TENM3: variants seen among roughly 807,000 people sequenced by gnomAD.
TENM3 encodes teneurin transmembrane protein 3.
TENM3 carries 63 observed loss-of-function variants against 255.1 expected under a neutral mutation model. The ratio of observed to expected loss-of-function variants is 0.25; its 90% CI spans 0.20 to 0.30. TENM3 has a LOEUF of 0.30. Among genes scored for constraint, TENM3 ranks in the 10% least tolerant of loss-of-function variants. The pLI, the probability that TENM3 is intolerant of heterozygous loss-of-function variation, is 1.00. For synonymous variants in TENM3, 1,306 were observed against 1,322.3 expected (o/e 0.99, Z 0.27); for missense variants, 2,929 against 3,461.1 (o/e 0.85, Z 3.86).
rs79403721 is a variant in TENM3, at chr4:182,280,853, G to A, written c.-76+37377G>A. The stretch of plus-strand genomic sequence containing the variant: ...AGAGGATCTCTTGAATGAGAGTGAA[G>A]GTTTTGCCTCTTTGCCAAGTAGCCT... On this transcript the variant is annotated intron_variant, in intron 1 of 27. Coordinates refer to ENST00000511685, the MANE Select transcript of TENM3 (RefSeq NM_001080477.4). 6.5e-3 allele frequency among the ~76,000 whole-genome samples: 989 copies of A among 152,302 alleles called. 12 individuals carry two copies. Among genetic ancestry groups the A allele is most frequent in the African/African-American group, 0.022 (927 of 41,564 alleles).
At chr4:182,351,327 G>A (rs530395229) in intron 3 of TENM3, among the ~76,000 whole-genome samples, 30 of 152,266 alleles carry the variant, frequency 2.0e-4, no homozygotes, top group African/African-American at 6.7e-4. Context: ...AAATGTTTGC[G>A]TATGCATCGC....
chr4:182,021,687 T>C, the TENM3 span, among the ~76,000 whole-genome samples: 1 of 151,964 alleles, frequency 6.6e-6, no homozygotes, highest in Non-Finnish European at 1.5e-5. Flanking sequence ...ATCCCTTTCA[T>C]CTAAGAATGT....
the TENM3 span, among the ~76,000 whole-genome samples, chr4:181,517,768 T>C: frequency 6.6e-6 from 1 of 152,232 alleles, no homozygotes; most frequent in Non-Finnish European, 1.5e-5. Flanking sequence ...ACATGCGGCT[T>C]TGCAAGTGAT....
At chr4:181,480,563 G>T in the TENM3 span, among the ~76,000 whole-genome samples, 1 of 151,956 alleles carries the variant, frequency 6.6e-6, no homozygotes, top group East Asian at 1.9e-4. Flanking sequence ...TATTTAGAAG[G>T]AATATTTTTT....
chr4:181,877,620 T>C, the TENM3 span, among the ~76,000 whole-genome samples: 1 of 152,248 alleles, frequency 6.6e-6, no homozygotes, highest in South Asian at 2.1e-4. Context: ...CTCCATGATG[T>C]CACTGGGGTT....
At chr4:182,171,568 A>G (rs1009675261) in intron 1 of TENM3, among the ~76,000 whole-genome samples, 2 of 152,236 alleles carry the variant, frequency 1.3e-5, no homozygotes, top group East Asian at 1.9e-4. Context: ...GGCTCAAGCA[A>G]TCCTCCTACC....
the TENM3 span, among the ~76,000 whole-genome samples, chr4:181,779,962 T>G: frequency 6.6e-6 from 1 of 152,224 alleles, no homozygotes; most frequent in Non-Finnish European, 1.5e-5. Context: ...ACAAAGGACA[T>G]GAACTCATCC....
chr4:182,618,171 T>A (rs1749727887), intron 4 of TENM3, among the ~76,000 whole-genome samples: 1 of 152,184 alleles, frequency 6.6e-6, no homozygotes, highest in Non-Finnish European at 1.5e-5. Flanking sequence ...TCTTTTTGAT[T>A]TTTATTTTCT....
the TENM3 span, among the ~76,000 whole-genome samples, chr4:181,990,664 G>A: frequency 3.9e-5 from 6 of 152,004 alleles, no homozygotes; most frequent in African/African-American, 1.2e-4. Flanking sequence ...AGTAATAAGC[G>A]GCATGCCGAG....
the TENM3 span, among the ~76,000 whole-genome samples, chr4:181,971,423 C>G: frequency 6.6e-6 from 1 of 152,172 alleles, no homozygotes; most frequent in African/African-American, 2.4e-5. Context: ...CATCCAAAAT[C>G]ATGGTGCAGC....
At chr4:182,174,079 A>G (rs2149705794) in intron 1 of TENM3, among the ~76,000 whole-genome samples, 1 of 152,268 alleles carries the variant, frequency 6.6e-6, no homozygotes, top group East Asian at 1.9e-4. Flanking sequence ...TGTTTTACAC[A>G]GAAATTAAGA....
intron 4 of TENM3, among the ~76,000 whole-genome samples, chr4:182,624,877 A>G (rs1750674677): frequency 6.6e-6 from 1 of 152,208 alleles, no homozygotes; most frequent in African/African-American, 2.4e-5. Flanking sequence ...CAAATAAATA[A>G]CAAGATCACT....
At chr4:182,235,824 C>T (rs868433633) in intron 1 of TENM3, among the ~76,000 whole-genome samples, 1 of 152,188 alleles carries the variant, frequency 6.6e-6, no homozygotes, top group African/African-American at 2.4e-5. Flanking sequence ...AGGCAGTGAA[C>T]CATTTAGGAA....
At chr4:181,575,157 T>A in the TENM3 span, among the ~76,000 whole-genome samples, 1 of 152,182 alleles carries the variant, frequency 6.6e-6, no homozygotes, top group African/African-American at 2.4e-5. Context: ...AGTTTTTTGT[T>A]ATCCTTGTAG....
chr4:181,875,134 A>T, the TENM3 span, among the ~76,000 whole-genome samples: 1 of 152,170 alleles, frequency 6.6e-6, no homozygotes, highest in African/African-American at 2.4e-5. Context: ...AGGACATCTC[A>T]TCATCTTCAA....
the TENM3 span, among the ~76,000 whole-genome samples, chr4:182,073,484 G>C: frequency 6.6e-6 from 1 of 152,156 alleles, no homozygotes; most frequent in Non-Finnish European, 1.5e-5. Flanking sequence ...CCTTGAGTTT[G>C]GACTTCCAGC....
chr4:181,786,358 CAT>C, the TENM3 span, among the ~76,000 whole-genome samples: 1 of 152,172 alleles, frequency 6.6e-6, no homozygotes, highest in Non-Finnish European at 1.5e-5. Context: ...CATGCACACA[CAT>C]GTGCACGGGA....
the TENM3 span, among the ~76,000 whole-genome samples, chr4:181,855,119 G>C: frequency 6.6e-6 from 1 of 152,166 alleles, no homozygotes; most frequent in Non-Finnish European, 1.5e-5. Flanking sequence ...ATTATTTTTA[G>C]AGGGAAGAAG....
chr4:181,966,576 G>A, the TENM3 span, among the ~76,000 whole-genome samples: 2 of 152,280 alleles, frequency 1.3e-5, no homozygotes, highest in East Asian at 1.9e-4. Context: ...TAAAATGCGA[G>A]CTGAAATCAT....
Sources: gnomAD v4.1 joint callset for allele counts (sites outside exome capture counted in the v4.1 genomes callset) on GRCh38, gnomAD v4.1.1 for gene constraint, MANE v1.5 for transcripts, NCBI Gene and HGNC (gene_info 2026-07-23, HGNC 2026-07-21) for gene names.